The following PLAC1 variants were observed in gnomAD, a reference collection of about 807,000 sequenced individuals.
PLAC1 encodes the protein placenta-specific protein 1.
For synonymous variants in PLAC1, 68 were observed against 62.1 expected, an observed-to-expected ratio of 1.09 and a Z score of -0.44; for missense variants, 136 against 163.2, an observed-to-expected ratio of 0.83 and a Z score of 0.91.
chrX:134,584,016 A>G (rs1194302195), intron 2 of PLAC1, among the ~76,000 whole-genome samples: 2 of 92,535 alleles, frequency 2.2e-5, no homozygotes, highest in Admixed American at 2.4e-4. Flanking sequence ...GTACAAGTGA[A>G]TGAAAAAAAA....
intron 1 of PLAC1, among the ~76,000 whole-genome samples, chrX:134,763,922 C>T (rs990384267): frequency 9.0e-6 from 1 of 111,005 alleles, no homozygotes; most frequent in African/African-American, 3.3e-5. Context: ...AAAAAGAACC[C>T]GGCAAGAGCA....
intron 2 of PLAC1, among the ~76,000 whole-genome samples, chrX:134,687,063 G>A (rs2078519519): frequency 9.0e-6 from 1 of 111,646 alleles, no homozygotes; most frequent in Admixed American, 9.5e-5. Context: ...TATTATGAAA[G>A]GGATATTAGC....
intron 1 of PLAC1, among the ~76,000 whole-genome samples, chrX:134,736,325 T>C (rs942856917): frequency 1.3e-4 from 14 of 111,156 alleles, no homozygotes; most frequent in African/African-American, 4.6e-4. Flanking sequence ...TTTTGCCTGA[T>C]ATGAAATCTG....
chrX:134,756,672 AC>A (rs1354215924), intron 1 of PLAC1, among the ~76,000 whole-genome samples: 1 of 109,782 alleles, frequency 9.1e-6, no homozygotes, highest in African/African-American at 3.3e-5. Context: ...ACACAGTGAA[AC>A]CCCGTCTCTA....
chrX:134,671,342 G>A, intron 2 of PLAC1, among the ~76,000 whole-genome samples: 1 of 111,780 alleles, frequency 8.9e-6, no homozygotes, highest in Non-Finnish European at 1.9e-5. Context: ...GGAACAGGGG[G>A]GAAGGCTTAG....
chrX:134,656,706 T>C (rs1340048294), intron 1 of PLAC1, among the ~76,000 whole-genome samples: 1 of 111,438 alleles, frequency 9.0e-6, no homozygotes, highest in Non-Finnish European at 1.9e-5. Context: ...CATCTCAGCC[T>C]CCTGAGTAGC....
intron 2 of PLAC1, among the ~76,000 whole-genome samples, chrX:134,572,759 G>A (rs754614598): frequency 3.0e-4 from 33 of 110,296 alleles, no homozygotes; most frequent in Non-Finnish European, 5.1e-4. Context: ...TTCTAATTTG[G>A]GGGGAAAGTA....
chrX:134,592,622 T>A (rs2124376987), intron 2 of PLAC1, among the ~76,000 whole-genome samples: 1 of 110,879 alleles, frequency 9.0e-6, no homozygotes, highest in South Asian at 3.9e-4. Flanking sequence ...TCCAGCCTGC[T>A]GGCCTGCCCT....
chrX:134,730,946 G>C (rs1035543602), intron 2 of PLAC1, among the ~76,000 whole-genome samples: 5 of 111,266 alleles, frequency 4.5e-5, no homozygotes, highest in Non-Finnish European at 7.5e-5. Context: ...CCTACAGCAA[G>C]TCTTTCTGGC....
Position 134,756,598 on chromosome X carries a change from C to G in PLAC1, n.89+7636G>C, listed in dbSNP as rs769974250. On this transcript the variant is annotated intron_variant and non_coding_transcript_variant, in intron 1 of 2. Transcript: ENST00000466797. ...GGCGCGGTGGCTCACGCCTGTAATC[C>G]CAGCACTTTGGGAGGCCGAGACAGG... 6.3e-5 allele frequency among the ~76,000 whole-genome samples: 7 copies of G among 110,409 alleles called. No individual in the cohort carries two copies. In the Admixed American group the frequency reaches 6.7e-4, roughly 11 times the overall value.
chrX:134,752,800 A>G (rs2078747763), intron 1 of PLAC1, among the ~76,000 whole-genome samples: 1 of 111,906 alleles, frequency 8.9e-6, no homozygotes, highest in Non-Finnish European at 1.9e-5. Context: ...AGATGCAGGC[A>G]GTCCCAAAGC....
chrX:134,591,928 C>T, intron 2 of PLAC1, among the ~76,000 whole-genome samples: 1 of 112,416 alleles, frequency 8.9e-6, no homozygotes, highest in Non-Finnish European at 1.9e-5. Flanking sequence ...CATGTCTTTA[C>T]AATCCATGTT....
chrX:134,617,845 C>G (rs1163479464), intron 1 of PLAC1, among the ~76,000 whole-genome samples: 1 of 112,252 alleles, frequency 8.9e-6, no homozygotes, highest in Non-Finnish European at 1.9e-5. Flanking sequence ...CCTGCTAACA[C>G]ACGAATTTTA....
chrX:134,627,650 C>T (rs1159062547), intron 1 of PLAC1, among the ~76,000 whole-genome samples: 2 of 112,330 alleles, frequency 1.8e-5, no homozygotes, highest in African/African-American at 6.5e-5. Flanking sequence ...AGATCCTATT[C>T]GTCTTTGGAG....
rs746581595 is a variant in PLAC1, at chrX:134,714,997, G to A, written n.174+18438C>T. Among the ~76,000 whole-genome samples the A allele has an allele frequency of 2.7e-5, 3 of 111,548 alleles. No homozygotes were observed. In the South Asian group the frequency reaches 1.1e-3, roughly 43 times the overall value. On this transcript the variant is annotated intron_variant and non_coding_transcript_variant, in intron 2 of 2. Transcript: ENST00000466797. ...CTGAACATTTCAGGAAGAGAATGAG[G>A]TATCCCATCCCCCTCTCTCCACAAT...
At chrX:134,618,883 G>A (rs1159032186) in intron 1 of PLAC1, among the ~76,000 whole-genome samples, 1 of 112,380 alleles carries the variant, frequency 8.9e-6, no homozygotes, top group Non-Finnish European at 1.9e-5. Context: ...TGTACTCTGG[G>A]GTTGACAACT....
chrX:134,611,548 C>CACATATGTATATATATGCATATAT (rs1569386787), intron 1 of PLAC1, among the ~76,000 whole-genome samples: 10 of 105,545 alleles, frequency 9.5e-5, no homozygotes, highest in South Asian at 4.1e-4. Context: ...TATGCATATA[C>CACATATGTATATATATGCATATAT]ACATATGTAT....
intron 1 of PLAC1, among the ~76,000 whole-genome samples, chrX:134,641,023 G>A (rs779873003): frequency 1.8e-5 from 2 of 111,947 alleles, no homozygotes; most frequent in East Asian, 5.6e-4. Flanking sequence ...GAGGCGAGAG[G>A]ATTGATTGAG....
chrX:134,727,031 A>C (rs1461888827), intron 2 of PLAC1, among the ~76,000 whole-genome samples: 5 of 109,412 alleles, frequency 4.6e-5, no homozygotes, highest in African/African-American at 1.7e-4. Flanking sequence ...CTACCTTACC[A>C]GTCCTTCTGG....
Sources: allele counts gnomAD v4.1 joint callset (sites outside exome capture counted in the v4.1 genomes callset), GRCh38; gene constraint gnomAD v4.1.1; transcripts MANE v1.5; gene names NCBI Gene and HGNC (gene_info 2026-07-23, HGNC 2026-07-21).